Variants in SMIM36 observed in about 807,000 individuals in gnomAD.
SMIM36 encodes the protein small integral membrane protein 36.
chr17:55,477,316 G>T (rs769072403), intron 3 of SMIM36: 4 of 152,180 alleles, frequency 2.6e-5, no homozygotes, highest in Admixed American at 6.5e-5. Flanking sequence ...TATGGGAAGA[G>T]AATCTTTCCT....
intron 4 of SMIM36, among the ~76,000 whole-genome samples, chr17:55,454,939 T>C (rs753583095): frequency 2.9e-4 from 44 of 152,228 alleles, no homozygotes; most frequent in Non-Finnish European, 5.1e-4. Context: ...GTGTGGGCAT[T>C]AGGCAATTTT....
intron 1 of SMIM36, among the ~76,000 whole-genome samples, chr17:55,482,811 T>C (rs928618674): frequency 1.5e-4 from 23 of 152,246 alleles, no homozygotes; most frequent in African/African-American, 5.5e-4. Flanking sequence ...TCTTACTCTT[T>C]TTCCCTTAGA....
chr17:55,503,912 AG>A (rs1179168859), intron 1 of SMIM36, among the ~76,000 whole-genome samples: 2 of 131,182 alleles, frequency 1.5e-5, no homozygotes, highest in Non-Finnish European at 3.2e-5. Context: ...AAAAAAAGGC[AG>A]GGGTTGCAAT....
chr17:55,529,807 A>ACAAACAAACAAAC, the SMIM36 span, among the ~76,000 whole-genome samples: 3,787 of 152,236 alleles, frequency 0.025, 140 homozygotes, highest in African/African-American at 0.08. Context: ...AAACAAACAA[A>ACAAACAAACAAAC]AAACAAAACA....
chr17:55,458,435 C>A (rs1164008094), intron 4 of SMIM36: 1 of 152,134 alleles, frequency 6.6e-6, no homozygotes, highest in African/African-American at 2.4e-5. Flanking sequence ...TAGAGGAGGG[C>A]GTGGTCCCTT....
Position 55,496,123 on chromosome 17 carries a change from A to G in SMIM36, c.*174+14756T>C, listed in dbSNP as rs76008756. Among the ~76,000 whole-genome samples the G allele has an allele frequency of 2.0e-3, 300 of 152,286 alleles. 2 individuals carry two copies. The highest frequency in any genetic ancestry group is 7.1e-3 in the African/African-American group (294 of 41,540). On this transcript the variant is annotated intron_variant, in intron 1 of 4. Coordinates refer to ENST00000636752, the Ensembl canonical transcript of SMIM36. ...AATGTCTTTATCAATTCTGACAAAC[A>G]ATCCAGATTCCAAATTCCACTGCCA...
chr17:55,458,273 C>A, intron 4 of SMIM36: 1 of 152,316 alleles, frequency 6.6e-6, no homozygotes. Flanking sequence ...CAGTCACAAT[C>A]TGCAGCGACA....
intron 4 of SMIM36, among the ~76,000 whole-genome samples, chr17:55,457,958 A>G (rs1372118365): frequency 1.3e-5 from 2 of 152,226 alleles, no homozygotes; most frequent in Non-Finnish European, 2.9e-5. Context: ...TAGTGGAGGT[A>G]CAGAATTGGG....
At chr17:55,472,645 G>A (rs1909359479) in intron 3 of SMIM36, among the ~76,000 whole-genome samples, 1 of 152,190 alleles carries the variant, frequency 6.6e-6, no homozygotes, top group Non-Finnish European at 1.5e-5. Context: ...GGCTGAGGCG[G>A]GCGGATCACA....
chr17:55,474,403 C>T (rs113084111), intron 3 of SMIM36, among the ~76,000 whole-genome samples: 27 of 152,282 alleles, frequency 1.8e-4, no homozygotes, highest in African/African-American at 6.3e-4. Context: ...TGGAATGCAT[C>T]CTCAGAGCAG....
chr17:55,497,491 C>T (rs1909830201), intron 1 of SMIM36, among the ~76,000 whole-genome samples: 1 of 152,068 alleles, frequency 6.6e-6, no homozygotes, highest in Non-Finnish European at 1.5e-5. Flanking sequence ...GTCTCGAACT[C>T]CTACCTCAGG....
Position 55,494,560 on chromosome 17 carries a change from G to T in SMIM36, c.*175-14980C>A, listed in dbSNP as rs529083375. On this transcript the variant is annotated intron_variant, in intron 1 of 4. Transcript: ENST00000636752. ...GATATGGTGGAGTGGTGCAGAGCCG[G>T]TCTTCAAAGTGAGGGGTACAAGAAG... 2.6e-5 allele frequency among the ~76,000 whole-genome samples: 4 copies of T among 152,116 alleles called. No individual in the cohort carries two copies. The East Asian group carries it at 7.7e-4, about 29-fold the overall frequency.
chr17:55,514,879 A>G (rs1417014144), upstream of SMIM36, among the ~76,000 whole-genome samples: 2 of 152,202 alleles, frequency 1.3e-5, no homozygotes, highest in Non-Finnish European at 2.9e-5. Flanking sequence ...CCTTGATAAA[A>G]TATGGTATCC....
chr17:55,499,269 A>G (rs1226280378), intron 1 of SMIM36, among the ~76,000 whole-genome samples: 1 of 152,154 alleles, frequency 6.6e-6, no homozygotes, highest in African/African-American at 2.4e-5. Flanking sequence ...CTTCCTAGGC[A>G]TGCAATTCTA....
At chr17:55,487,258 G>A (rs751543011) in intron 1 of SMIM36, among the ~76,000 whole-genome samples, 1 of 152,120 alleles carries the variant, frequency 6.6e-6, no homozygotes, top group Admixed American at 6.5e-5. Flanking sequence ...TGTAAATGAC[G>A]AATTAATGGG....
chr17:55,464,039 C>T (rs950057626), intron 4 of SMIM36, among the ~76,000 whole-genome samples: 5 of 151,992 alleles, frequency 3.3e-5, no homozygotes, highest in African/African-American at 1.2e-4. Flanking sequence ...TGCCTGAACC[C>T]AGGAGGCAGA....
intron 3 of SMIM36, among the ~76,000 whole-genome samples, chr17:55,474,230 T>C (rs1051685296): frequency 1.3e-5 from 2 of 152,234 alleles, no homozygotes; most frequent in Non-Finnish European, 2.9e-5. Flanking sequence ...CTTGTCCTGC[T>C]ACATTTCTTG....
intron 1 of SMIM36, among the ~76,000 whole-genome samples, chr17:55,501,452 ATAT>A (rs1314083803): frequency 4.0e-5 from 2 of 49,654 alleles, no homozygotes; most frequent in African/African-American, 8.6e-5. Flanking sequence ...AAAATATAAT[ATAT>A]TATTATATAT....
chr17:55,492,706 T>C (rs1315901214), intron 1 of SMIM36, among the ~76,000 whole-genome samples: 3 of 150,556 alleles, frequency 2.0e-5, no homozygotes, highest in Admixed American at 2.0e-4. Flanking sequence ...TTAGGGGCAA[T>C]GCAATTGAAA....
Sources: gnomAD v4.1 joint callset for allele counts (sites outside exome capture counted in the v4.1 genomes callset) on GRCh38, gnomAD v4.1.1 for gene constraint, MANE v1.5 for transcripts, NCBI Gene and HGNC (gene_info 2026-07-23, HGNC 2026-07-21) for gene names.